The following MAF variants were observed in gnomAD, a reference collection of about 807,000 sequenced individuals.
The protein encoded by MAF is transcription factor Maf.
Under a neutral mutation model 22.0 loss-of-function variants are expected in MAF, and 10 were observed. The ratio of observed to expected loss-of-function variants is 0.45; its 90% confidence interval spans 0.28 to 0.77. The LOEUF (loss-of-function observed/expected upper bound fraction) is 0.77, where lower values mean the gene tolerates loss of function less well. MAF is among the 30% of genes least tolerant of loss of function. The pLI, the probability that MAF is intolerant of heterozygous loss-of-function variation, is 0.12. For missense variants in MAF, 544 were observed against 548.4 expected, an observed-to-expected ratio of 0.99 and a Z score of 0.08; for synonymous variants, 337 against 255.8, an observed-to-expected ratio of 1.32 and a Z score of -3.03.
chr16:79,326,629 A>G, the MAF span, among the ~76,000 whole-genome samples: 1 of 152,252 alleles, frequency 6.6e-6, no homozygotes, highest in African/African-American at 2.4e-5. Context: ...TAGGCTCTGT[A>G]GATCACATAC....
chr16:79,568,446 T>A, the MAF span, among the ~76,000 whole-genome samples: 2 of 152,180 alleles, frequency 1.3e-5, no homozygotes, highest in African/African-American at 4.8e-5. Context: ...CCTTGAGACA[T>A]GTCTACCTCA....
the MAF span, among the ~76,000 whole-genome samples, chr16:79,577,726 T>A: frequency 1.3e-5 from 2 of 152,354 alleles, no homozygotes; most frequent in Non-Finnish European, 2.9e-5. Context: ...CTGACTTTCA[T>A]AATAGTCTCC....
chr16:79,255,751 C>G, the MAF span, among the ~76,000 whole-genome samples: 1 of 152,134 alleles, frequency 6.6e-6, no homozygotes, highest in Non-Finnish European at 1.5e-5. Context: ...AAGACTGTCA[C>G]TGATGACCTG....
At chr16:79,409,489 G>T in the MAF span, among the ~76,000 whole-genome samples, 1 of 152,312 alleles carries the variant, frequency 6.6e-6, no homozygotes, top group East Asian at 1.9e-4. Flanking sequence ...TTGCTCGATA[G>T]CTTGGGTCCA....
At chr16:79,292,106 C>T in the MAF span, among the ~76,000 whole-genome samples, 1 of 152,004 alleles carries the variant, frequency 6.6e-6, no homozygotes, top group Non-Finnish European at 1.5e-5. Context: ...GTTTTCCAAG[C>T]AGAAGCTGTA....
chr16:79,448,322 G>A, the MAF span, among the ~76,000 whole-genome samples: 1 of 150,984 alleles, frequency 6.6e-6, no homozygotes, highest in Non-Finnish European at 1.5e-5. Flanking sequence ...ATAGAGGCAA[G>A]ACCCTCCATC....
At chr16:79,331,313 G>T in the MAF span, among the ~76,000 whole-genome samples, 4 of 152,170 alleles carry the variant, frequency 2.6e-5, no homozygotes, top group African/African-American at 9.7e-5. Context: ...TGAGGAACGG[G>T]GTGGTGTTGG....
chr16:79,254,964 T>G, the MAF span, among the ~76,000 whole-genome samples: 1 of 152,228 alleles, frequency 6.6e-6, no homozygotes, highest in African/African-American at 2.4e-5. Context: ...AACGTATTCA[T>G]GAGTGTGTTG....
chr16:79,440,327 C>T, the MAF span, among the ~76,000 whole-genome samples: 1 of 152,200 alleles, frequency 6.6e-6, no homozygotes, highest in East Asian at 1.9e-4. Flanking sequence ...GTGTGAGTTG[C>T]CTTTGTACCA....
chr16:79,460,781 C>A, the MAF span, among the ~76,000 whole-genome samples: 1 of 152,272 alleles, frequency 6.6e-6, no homozygotes, highest in South Asian at 2.1e-4. Flanking sequence ...AATAAATTTT[C>A]TTCTACATTT....
the MAF span, among the ~76,000 whole-genome samples, chr16:79,316,886 T>G: frequency 3.3e-5 from 5 of 152,258 alleles, no homozygotes; most frequent in South Asian, 1.0e-3. Context: ...GAGAAAGCAA[T>G]GTTCATTGGA....
the MAF span, among the ~76,000 whole-genome samples, chr16:79,458,849 A>G: frequency 5.1e-3 from 772 of 152,340 alleles, 7 homozygotes; most frequent in African/African-American, 0.018. Flanking sequence ...AATCACTGAG[A>G]AAAGTTTCTC....
the MAF span, among the ~76,000 whole-genome samples, chr16:79,412,566 C>A: frequency 1.3e-5 from 2 of 152,298 alleles, no homozygotes; most frequent in East Asian, 1.9e-4. Flanking sequence ...GAATAGGATT[C>A]TTGGCCTTCA....
At chr16:79,289,370 C>T in the MAF span, among the ~76,000 whole-genome samples, 7 of 151,832 alleles carry the variant, frequency 4.6e-5, no homozygotes, top group African/African-American at 1.7e-4. Flanking sequence ...TCAGGGAAGG[C>T]CTGGAGTGGC....
chr16:79,386,889 T>C, the MAF span, among the ~76,000 whole-genome samples: 2 of 152,182 alleles, frequency 1.3e-5, no homozygotes, highest in African/African-American at 4.8e-5. Flanking sequence ...CCTCATTGTA[T>C]TGAAGAGGAA....
At chr16:79,466,228 C>T in the MAF span, among the ~76,000 whole-genome samples, 196 of 152,300 alleles carry the variant, frequency 1.3e-3, 1 homozygote, top group African/African-American at 4.6e-3. Context: ...TCTAGACCCA[C>T]CCTCTCAGAC....
the MAF span, among the ~76,000 whole-genome samples, chr16:79,326,039 A>G: frequency 6.6e-6 from 1 of 152,220 alleles, no homozygotes; most frequent in Non-Finnish European, 1.5e-5. Context: ...TGACTCCATC[A>G]CTTAGCCTGT....
At chr16:79,219,543 T>C in the MAF span, among the ~76,000 whole-genome samples, 2 of 92,924 alleles carry the variant, frequency 2.2e-5, no homozygotes, top group Non-Finnish European at 4.0e-5. Context: ...AGCGAGACTC[T>C]GCCTCAAAAA....
At chr16:79,208,293 T>C in the MAF span, among the ~76,000 whole-genome samples, 2 of 152,052 alleles carry the variant, frequency 1.3e-5, no homozygotes, top group Non-Finnish European at 2.9e-5. Flanking sequence ...CCTAACTCAT[T>C]GCCATTGCTG....
Sources: allele counts gnomAD v4.1 joint callset (sites outside exome capture counted in the v4.1 genomes callset), GRCh38; gene constraint gnomAD v4.1.1; transcripts MANE v1.5; gene names NCBI Gene and HGNC (gene_info 2026-07-23, HGNC 2026-07-21).